SPINK1: variants seen among roughly 807,000 people sequenced by gnomAD.
SPINK1 encodes the protein serine peptidase inhibitor Kazal type 1.
A neutral mutation model predicts 9.5 loss-of-function variants in SPINK1; 5 were observed. That is an observed-to-expected ratio of 0.52 (90% CI 0.27 to 1.10). SPINK1 has a LOEUF of 1.10. Ranked by LOEUF, SPINK1 falls within the 50% of genes least tolerant of loss-of-function variation. SPINK1 has a pLI of 0.11. For synonymous variants in SPINK1, 37 were observed against 32.3 expected, an observed-to-expected ratio of 1.14 and a Z score of -0.49; for missense variants, 88 against 92.7, an observed-to-expected ratio of 0.95 and a Z score of 0.21.
the SPINK1 span, among the ~76,000 whole-genome samples, chr5:147,837,407 T>C: frequency 6.6e-6 from 1 of 152,156 alleles, no homozygotes; most frequent in Non-Finnish European, 1.5e-5. Context: ...CTGTAGATAC[T>C]TCACAGAGTT....
At chr5:147,836,491 A>C (rs1280527406), upstream of SPINK1, among the ~76,000 whole-genome samples, 1 of 152,060 alleles carries the variant, frequency 6.6e-6, no homozygotes, top group East Asian at 1.9e-4. Flanking sequence ...CTAATTTTTC[A>C]TTTTTCTTAT....
intron 3 of SPINK1, among the ~76,000 whole-genome samples, chr5:147,826,129 T>C (rs1756399837): frequency 6.6e-6 from 1 of 152,120 alleles, no homozygotes; most frequent in Non-Finnish European, 1.5e-5. Context: ...TTTGAAGACG[T>C]AGAAGGAATA....
upstream of SPINK1, among the ~76,000 whole-genome samples, chr5:147,832,588 TA>T (rs771242964): frequency 2.0e-5 from 3 of 152,336 alleles, no homozygotes; most frequent in South Asian, 6.2e-4. Flanking sequence ...TTCGGGTTTT[TA>T]AAAGCTTGGC....
chr5:147,828,849 C>A (rs1013310405), intron 2 of SPINK1, among the ~76,000 whole-genome samples: 2 of 152,068 alleles, frequency 1.3e-5, no homozygotes, highest in Non-Finnish European at 2.9e-5. Context: ...CTCTTAAGTA[C>A]TTTATTCTAC....
At chr5:147,825,448 T>C (rs536113174) in intron 3 of SPINK1, among the ~76,000 whole-genome samples, 107 of 151,458 alleles carry the variant, frequency 7.1e-4, no homozygotes, top group Non-Finnish European at 1.4e-3. Context: ...TTTTTCTTTT[T>C]TTTCTTTTTT....
At chr5:147,826,117 C>T (rs553426985) in intron 3 of SPINK1, among the ~76,000 whole-genome samples, 3 of 152,168 alleles carry the variant, frequency 2.0e-5, no homozygotes, top group African/African-American at 7.2e-5. Context: ...GTACAGATTC[C>T]CTTTGAAGAC....
chr5:147,836,450 G>A (rs1269565648), upstream of SPINK1, among the ~76,000 whole-genome samples: 5 of 151,936 alleles, frequency 3.3e-5, no homozygotes, highest in African/African-American at 9.7e-5. Flanking sequence ...GCACTTAAGC[G>A]TCTCTGTTAC....
chr5:147,829,916 C>T (rs931410792), intron 1 of SPINK1, among the ~76,000 whole-genome samples: 7 of 152,140 alleles, frequency 4.6e-5, no homozygotes, highest in Non-Finnish European at 7.4e-5. Context: ...AGAAATTATG[C>T]ACTTACTGCT....
At chr5:147,837,680 T>TCTTTCTTC in the SPINK1 span, among the ~76,000 whole-genome samples, 1 of 146,038 alleles carries the variant, frequency 6.8e-6, no homozygotes, top group African/African-American at 2.6e-5. Context: ...TTTCTTTCTT[T>TCTTTCTTC]CTTTCTTTCT....
upstream of SPINK1, among the ~76,000 whole-genome samples, chr5:147,834,703 G>T (rs1327454417): frequency 6.6e-6 from 1 of 152,118 alleles, no homozygotes; most frequent in African/African-American, 2.4e-5. Context: ...AAACTCATTA[G>T]ATAATAATAG....
chr5:147,830,982 C>G (rs1756498175), intron 1 of SPINK1, among the ~76,000 whole-genome samples: 1 of 151,964 alleles, frequency 6.6e-6, no homozygotes, highest in African/African-American at 2.4e-5. Flanking sequence ...ATAAGAAATA[C>G]CAGGAATTGA....
In SPINK1 at chr5:147,824,677, T is replaced by A. The variant is rs1163281900; in HGVS notation, c.224A>T (p.Lys75Ile). ...CCTTGGTTCTCAGCAAGGCCCAGAT[T>A]TTTGAATGAGGATAGAAGTCTGGCG... is the stretch of plus-strand genomic sequence containing the variant. ...RKRQTSILIQ[K>I]SGPC The change falls in exon 4 of 4, where the codon AAA becomes ATA. Residue 75 changes from lysine (K) to isoleucine (I), a missense_variant. By Grantham distance (102) the Lys-to-Ile change is moderately radical (BLOSUM62 -3). Coordinates refer to ENST00000296695, the MANE Select transcript of SPINK1 (RefSeq NM_001379610.1). 10 of 1,613,932 alleles carry A rather than the reference T, an allele frequency of 6.2e-6. No homozygotes were observed. The highest frequency in any genetic ancestry group is 8.5e-6 in the Non-Finnish European group (10 of 1,180,000).
chr5:147,837,598 T>C, the SPINK1 span, among the ~76,000 whole-genome samples: 1 of 152,212 alleles, frequency 6.6e-6, no homozygotes, highest in Non-Finnish European at 1.5e-5. Flanking sequence ...TCTTTCCTTA[T>C]TGTATGTTCA....
chr5:147,824,840 G>C, intron 3 of SPINK1, 134 bp from the exon 4 acceptor site: 1 of 789,748 alleles, frequency 1.3e-6, no homozygotes, highest in East Asian at 2.6e-5. Flanking sequence ...TCTTTTCTCT[G>C]TCTTTCATTC....
At chr5:147,825,041 G>A (rs1019098129) in intron 3 of SPINK1, among the ~76,000 whole-genome samples, 3 of 152,048 alleles carry the variant, frequency 2.0e-5, no homozygotes, top group Admixed American at 6.5e-5. Context: ...CTCTGCCTTC[G>A]CCACCAGGTT....
upstream of SPINK1, among the ~76,000 whole-genome samples, chr5:147,832,290 A>G (rs560016593): frequency 6.6e-6 from 1 of 152,296 alleles, no homozygotes; most frequent in South Asian, 2.1e-4. Flanking sequence ...TTACTCTTTC[A>G]TCTGAGAATA....
At chr5:147,832,575 G>A (rs753404600), upstream of SPINK1, among the ~76,000 whole-genome samples, 128 of 152,224 alleles carry the variant, frequency 8.4e-4, no homozygotes, top group Non-Finnish European at 1.5e-3. Flanking sequence ...CTTTACAAAA[G>A]ATTTCGGGTT....
intron 3 of SPINK1, chr5:147,827,706 A>G (rs1242447852): frequency 4.3e-6 from 1 of 231,118 alleles, no homozygotes; most frequent in Non-Finnish European, 8.5e-6. Flanking sequence ...TTATATTTGC[A>G]TAACTGAGGG....
the SPINK1 span, among the ~76,000 whole-genome samples, chr5:147,837,713 C>CTTTCTTT: frequency 2.5e-4 from 30 of 120,596 alleles, no homozygotes; most frequent in Non-Finnish European, 4.2e-4. Context: ...TTCTTTCTTT[C>CTTTCTTT]TTTTTTGGGA....
Sources: allele counts gnomAD v4.1 joint callset (sites outside exome capture counted in the v4.1 genomes callset), GRCh38; gene constraint gnomAD v4.1.1; transcripts MANE v1.5; gene names NCBI Gene and HGNC (gene_info 2026-07-23, HGNC 2026-07-21).